Variants in NAV2 observed in about 807,000 individuals in gnomAD.
NAV2 encodes helicase, APC down-regulated 1.
In NAV2, 54 loss-of-function variants were observed where a neutral mutation model predicts 223.2. The observed-to-expected ratio is 0.24, with a 90% CI of 0.19 to 0.30. The LOEUF (loss-of-function observed/expected upper bound fraction) is 0.30, where lower values mean the gene tolerates loss of function less well. NAV2 is among the 10% of genes least tolerant of loss of function. The pLI is 1.00. For missense variants in NAV2, 2,806 were observed against 3,147.5 expected (o/e 0.89, Z 2.60); for synonymous variants, 1,279 against 1,239.3 (o/e 1.03, Z -0.67).
chr11:19,439,429 T>A (rs1042126483), intron 1 of NAV2, among the ~76,000 whole-genome samples: 1 of 152,146 alleles, frequency 6.6e-6, no homozygotes, highest in African/African-American at 2.4e-5. Flanking sequence ...ATCATCCAGA[T>A]GGGCACCACA....
At chr11:19,592,123 A>T (rs754041776) in intron 1 of NAV2, among the ~76,000 whole-genome samples, 1 of 152,126 alleles carries the variant, frequency 6.6e-6, no homozygotes, top group Non-Finnish European at 1.5e-5. Context: ...ACCCATATTC[A>T]TCCCTTTGAT....
At chr11:20,087,273 C>T (rs1032534126) in intron 26 of NAV2, among the ~76,000 whole-genome samples, 1 of 152,184 alleles carries the variant, frequency 6.6e-6, no homozygotes, top group Non-Finnish European at 1.5e-5. Flanking sequence ...AAGCCACTTT[C>T]CCCAGAGGAA....
chr11:19,463,608 C>T (rs1564956961), intron 1 of NAV2, among the ~76,000 whole-genome samples: 1 of 152,220 alleles, frequency 6.6e-6, no homozygotes, highest in South Asian at 2.1e-4. Flanking sequence ...AAGCAGAGGT[C>T]CCCAGGAGCT....
At chr11:19,638,128 G>A (rs891491383) in intron 1 of NAV2, among the ~76,000 whole-genome samples, 12 of 152,112 alleles carry the variant, frequency 7.9e-5, no homozygotes, top group Non-Finnish European at 1.6e-4. Flanking sequence ...AATCTTTATG[G>A]TTTCAGCAGG....
chr11:19,350,233 G>T (rs1214548230), upstream of NAV2, among the ~76,000 whole-genome samples: 2 of 152,212 alleles, frequency 1.3e-5, no homozygotes, highest in African/African-American at 4.8e-5. Context: ...CCATGGATGT[G>T]CTCAGAGGAG....
intron 36 of NAV2, 56 bp downstream of exon 36, chr11:20,107,838 C>A: frequency 8.3e-7 from 1 of 1,201,232 alleles, no homozygotes; most frequent in South Asian, 1.3e-5. Flanking sequence ...TTCTGGTGAC[C>A]AGATGAGTTG....
In NAV2 at chr11:20,045,441, C is replaced by T; in HGVS notation, c.3673C>T (p.Leu1225=). Residue 1225 remains leucine, a synonymous_variant, in exon 14 of 38, where the codon CTG becomes TTG. Coordinates refer to ENST00000349880, the MANE Select transcript of NAV2 (RefSeq NM_145117.5). ...DSNISSKSAG[L]PVPKLREPSK... ...CAACATTAGCAGCAAGTCCGCAGGC[C>T]TGCCAGTGCCCAAACTGAGGGAGCC... 2 of 1,614,202 alleles carry T rather than the reference C, an allele frequency of 1.2e-6. No individual in the cohort carries two copies. The highest frequency in any genetic ancestry group is 8.5e-7 in the Non-Finnish European group (1 of 1,180,030).
At chr11:19,455,466 C>T (rs1260201223) in intron 1 of NAV2, among the ~76,000 whole-genome samples, 10 of 152,158 alleles carry the variant, frequency 6.6e-5, no homozygotes, top group African/African-American at 2.4e-4. Context: ...GTATTTGCTA[C>T]ATATGAAATT....
chr11:19,781,955 GT>G (rs536564892), intron 1 of NAV2, among the ~76,000 whole-genome samples: 4 of 151,760 alleles, frequency 2.6e-5, no homozygotes, highest in East Asian at 1.9e-4. Flanking sequence ...AACAACTTCC[GT>G]TTTTTTTCCT....
At chr11:19,834,610 G>T (rs1362747216) in intron 2 of NAV2, among the ~76,000 whole-genome samples, 1 of 151,500 alleles carries the variant, frequency 6.6e-6, no homozygotes, top group Non-Finnish European at 1.5e-5. Flanking sequence ...CATCTGAGCT[G>T]GGTTTTGAAG....
At chr11:19,966,177 G>T (rs2153418680) in intron 10 of NAV2, among the ~76,000 whole-genome samples, 1 of 152,336 alleles carries the variant, frequency 6.6e-6, no homozygotes, top group African/African-American at 2.4e-5. Flanking sequence ...AGAGGAAGGT[G>T]CATAGATCCC....
At chr11:19,619,248 A>G (rs2046909458) in intron 1 of NAV2, among the ~76,000 whole-genome samples, 1 of 76,910 alleles carries the variant, frequency 1.3e-5, no homozygotes, top group Non-Finnish European at 2.5e-5. Flanking sequence ...TAGCAGCATG[A>G]TTTATAATCC....
chr11:19,613,010 GCTTCTTAAAT>G (rs1189674973), intron 1 of NAV2, among the ~76,000 whole-genome samples: 1 of 152,184 alleles, frequency 6.6e-6, no homozygotes, highest in Non-Finnish European at 1.5e-5. Context: ...GGCAAAAGGT[GCTTCTTAAAT>G]GGCAGTGGCA....
Position 19,812,263 on chromosome 11 carries a change from T to G in NAV2, c.268-20221T>G, listed in dbSNP as rs146728539. On this transcript the variant is annotated intron_variant, in intron 1 of 37. Coordinates refer to ENST00000349880, the MANE Select transcript of NAV2 (RefSeq NM_145117.5). ...GTCTGGGAGAACCACCCCCTGAGCC[T>G]TTGCATGGTTGCTCTCTTCTTATCA... Among the ~76,000 whole-genome samples the G allele has an allele frequency of 1.6e-4, 24 of 152,122 alleles. No individual in the cohort carries two copies. In the East Asian group the frequency reaches 4.4e-3, roughly 28 times the overall value.
At chr11:19,364,344 G>T (rs989442082) in intron 1 of NAV2, among the ~76,000 whole-genome samples, 1 of 152,256 alleles carries the variant, frequency 6.6e-6, no homozygotes, top group South Asian at 2.1e-4. Flanking sequence ...GCCGTAGCTG[G>T]TTCTCTTATC....
chr11:19,792,722 T>C (rs2057609490), intron 1 of NAV2, among the ~76,000 whole-genome samples: 1 of 152,156 alleles, frequency 6.6e-6, no homozygotes, highest in Non-Finnish European at 1.5e-5. Flanking sequence ...CTCTTAATAC[T>C]CTTATCTCAG....
chr11:19,818,633 A>G (rs2059227227), intron 1 of NAV2, among the ~76,000 whole-genome samples: 1 of 152,226 alleles, frequency 6.6e-6, no homozygotes, highest in South Asian at 2.1e-4. Flanking sequence ...TGAAAATGTT[A>G]CAACCAACTC....
At chr11:20,061,599 G>T (rs1224934500) in intron 19 of NAV2, among the ~76,000 whole-genome samples, 1 of 151,786 alleles carries the variant, frequency 6.6e-6, no homozygotes, top group African/African-American at 2.4e-5. Context: ...GTCTCCACTG[G>T]CTGGGGGCAG....
rs572777318 is a variant in NAV2 at position 19,909,125 on chromosome 11, G to A, written c.931+16531G>A. Among the ~76,000 whole-genome samples, 206 of 152,252 alleles carry A rather than the reference G, an allele frequency of 1.4e-3. 1 individual carries two copies. The highest frequency in any genetic ancestry group is 4.5e-3 in the African/African-American group (188 of 41,558). On this transcript the variant is annotated intron_variant, in intron 6 of 37. Coordinates refer to ENST00000349880, the MANE Select transcript of NAV2 (RefSeq NM_145117.5). ...TACCCCAAAATATTAGTGGTTAAAT[G>A]TCTCCCCTTTCTTGGACCTCAGTTT...
Sources: gnomAD v4.1 joint callset for allele counts (sites outside exome capture counted in the v4.1 genomes callset) on GRCh38, gnomAD v4.1.1 for gene constraint, MANE v1.5 for transcripts, NCBI Gene and HGNC (gene_info 2026-07-23, HGNC 2026-07-21) for gene names.